The following ZMYM4 variants were observed in gnomAD, a reference collection of about 807,000 sequenced individuals.
ZMYM4 encodes the protein zinc finger MYM-type containing 4, also known as zinc finger MYM-type protein 4.
Under a neutral mutation model 183.2 loss-of-function variants are expected in ZMYM4, and 31 were observed. The ratio of observed to expected loss-of-function variants is 0.17; its 90% CI spans 0.13 to 0.23. The LOEUF (loss-of-function observed/expected upper bound fraction) is 0.23. Among genes scored for constraint, ZMYM4 ranks in the 10% least tolerant of loss-of-function variants. The pLI, the probability that ZMYM4 is intolerant of heterozygous loss-of-function variation, is 1.00. For missense variants in ZMYM4, 1,273 were observed against 1,840.3 expected (o/e 0.69, Z 5.64); for synonymous variants, 592 against 631.2 (o/e 0.94, Z 0.93).
rs145965478 is a variant in ZMYM4 at position 35,383,704 on chromosome 1, C to T, written c.1570-1738C>T. ...CAAGAGAGGGAGAAATAGGATGAAACATCTTAATTTTAAATTTATTCTTTA... is the reference window on the plus strand; with the variant it reads ...CAAGAGAGGGAGAAATAGGATGAAATATCTTAATTTTAAATTTATTCTTTA... On this transcript the variant is annotated intron_variant, in intron 9 of 29. Coordinates refer to ENST00000314607, the MANE Select transcript of ZMYM4 (RefSeq NM_005095.3). Among the ~76,000 whole-genome samples, 76 of 152,198 alleles carry T rather than the reference C, an allele frequency of 5.0e-4. 1 individual carries two copies. The East Asian group carries it at 7.7e-3, about 15-fold the overall frequency.
At chr1:35,406,651 T>A (rs1047907800) in intron 25 of ZMYM4, among the ~76,000 whole-genome samples, 1 of 152,236 alleles carries the variant, frequency 6.6e-6, no homozygotes, top group African/African-American at 2.4e-5. Flanking sequence ...CACTCTTTCA[T>A]TGAGAAATAC....
chr1:35,288,108 G>A (rs1367722059), intron 1 of ZMYM4, among the ~76,000 whole-genome samples: 1 of 152,130 alleles, frequency 6.6e-6, no homozygotes, highest in African/African-American at 2.4e-5. Flanking sequence ...TAATTGCTAA[G>A]TCTTGTTAAT....
chr1:35,354,982 A>C (rs1431954837), intron 2 of ZMYM4, among the ~76,000 whole-genome samples: 1 of 151,638 alleles, frequency 6.6e-6, no homozygotes, highest in East Asian at 1.9e-4. Flanking sequence ...GTCTTGGGCC[A>C]TAGTTTCCTA....
Position 35,386,152 on chromosome 1 carries a change from G to T in ZMYM4, c.1799G>T (p.Arg600Leu). The change falls in exon 11 of 30, where the codon CGC becomes CTC. Residue 600 changes from arginine (R) to leucine (L), a missense_variant. Physicochemically the swap from Arg to Leu is moderately radical, Grantham distance 102. Transcript: ENST00000314607. Reference sequence around the variant, plus strand: ...CTAGCCATGTCAGATGGAAGTATACGCAACTTCTGCAGCTACAGCTGTGTG... The same window carrying T: ...CTAGCCATGTCAGATGGAAGTATACTCAACTTCTGCAGCTACAGCTGTGTG... ...YHLAMSDGSI[R>L]NFCSYSCVVA... 1 of 1,613,608 alleles carries T rather than the reference G, an allele frequency of 6.2e-7. No individual in the cohort carries two copies. The highest frequency in any genetic ancestry group is 8.5e-7 in the Non-Finnish European group (1 of 1,179,762).
chr1:35,386,937 G>A, intron 11 of ZMYM4, 66 bp from the exon 12 acceptor site: 1 of 1,518,512 alleles, frequency 6.6e-7, no homozygotes, highest in Non-Finnish European at 8.9e-7. Context: ...GGCATATGTA[G>A]GCACACAATA....
chr1:35,305,774 C>G (rs905225082), intron 1 of ZMYM4, among the ~76,000 whole-genome samples: 1 of 151,744 alleles, frequency 6.6e-6, no homozygotes, highest in African/African-American at 2.4e-5. Context: ...GTCTCCAACT[C>G]CAGGCCTCAA....
intron 23 of ZMYM4, among the ~76,000 whole-genome samples, chr1:35,403,920 G>A (rs533504013): frequency 6.6e-5 from 10 of 152,280 alleles, no homozygotes; most frequent in African/African-American, 2.4e-4. Context: ...CTTTCAAGAA[G>A]TTTGTCCATT....
chr1:35,312,529 C>A (rs538639822), intron 1 of ZMYM4, among the ~76,000 whole-genome samples: 50 of 152,218 alleles, frequency 3.3e-4, no homozygotes, highest in African/African-American at 1.1e-3. Context: ...TTAAAGTCTG[C>A]GTAGAATTTC....
At chr1:35,407,961 ATGTT>A in intron 25 of ZMYM4, 43 bp from the exon 26 acceptor site, 1 of 1,610,688 alleles carries the variant, frequency 6.2e-7, no homozygotes, top group Non-Finnish European at 8.5e-7. Flanking sequence ...CAATGCTACT[ATGTT>A]TGTTAAAAGT....
At chr1:35,307,138 T>A (rs943029452) in intron 1 of ZMYM4, among the ~76,000 whole-genome samples, 4 of 152,246 alleles carry the variant, frequency 2.6e-5, no homozygotes, top group Non-Finnish European at 4.4e-5. Flanking sequence ...AAATGAGAGA[T>A]CTCTGTTAAT....
intron 2 of ZMYM4, among the ~76,000 whole-genome samples, chr1:35,349,522 C>T (rs12043750): frequency 0.12 from 18,284 of 151,800 alleles, 2,626 homozygotes; most frequent in East Asian, 0.69. Flanking sequence ...TCAGATCATC[C>T]CTTAGAAATG....
In ZMYM4 at chr1:35,268,886, G is replaced by A. The variant is rs1639439264; in HGVS notation, c.-161G>A. The A allele has an allele frequency of 1.4e-6, 1 of 722,986 alleles. No homozygotes were observed. 44.8% of individuals were successfully genotyped at this position (722,986 alleles called of 1,614,324 possible). On this transcript the variant is annotated 5_prime_UTR_variant, in exon 1 of 30. Transcript: ENST00000314607. Reference sequence around the variant, plus strand: ...GGGATCTCAGAAGCTGCGGCCCGGCGCGCGGCATCCGCCCCCTCCCCACTC... The same window carrying A: ...GGGATCTCAGAAGCTGCGGCCCGGCACGCGGCATCCGCCCCCTCCCCACTC...
At chr1:35,311,098 C>T (rs1471441567) in intron 1 of ZMYM4, among the ~76,000 whole-genome samples, 1 of 152,006 alleles carries the variant, frequency 6.6e-6, no homozygotes, top group Non-Finnish European at 1.5e-5. Context: ...TGTTATCTGT[C>T]GCTATAGTTT....
Position 35,274,619 on chromosome 1 carries a change from A to ATT in ZMYM4, c.39+5534_39+5535insTT, listed in dbSNP as rs1557885849. On this transcript the variant is annotated intron_variant, in intron 1 of 29. Transcript: ENST00000314607. ...AGAGAGACACTGTTTTTTTTTTTAA[A>ATT]AAAAAAAAAAAAAAAGGAGAGGCCA... Among the ~76,000 whole-genome samples, 81 of 143,658 alleles carry ATT rather than the reference A, an allele frequency of 5.6e-4. No homozygotes were observed. In the East Asian group the frequency reaches 0.012, roughly 21 times the overall value. 94.2% of individuals were successfully genotyped at this position (143,658 alleles called of 152,430 possible).
In ZMYM4 at chr1:35,415,581, A is replaced by G. The variant is rs996355025; in HGVS notation, c.4176A>G (p.Gln1392=). 24 of 1,614,050 alleles carry G rather than the reference A, an allele frequency of 1.5e-5. No individual in the cohort carries two copies. The highest frequency in any genetic ancestry group is 2.2e-5 in the South Asian group (2 of 91,080). ...TTTTCTTCAATACCAAATACTTCCA[A>G]CTAAAGAATGTTACTGAGCACTTGA... The part of the protein sequence containing the change: ...TLLFFNTKYF[Q]LKNVTEHLKL... Residue 1392 remains glutamine, a synonymous_variant, in exon 28 of 30, where the codon CAA becomes CAG. Coordinates refer to ENST00000314607, the MANE Select transcript of ZMYM4 (RefSeq NM_005095.3).
intron 1 of ZMYM4, among the ~76,000 whole-genome samples, chr1:35,271,693 G>A (rs1371900443): frequency 6.6e-6 from 1 of 152,186 alleles, no homozygotes; most frequent in Non-Finnish European, 1.5e-5. Flanking sequence ...GTGAGCTACC[G>A]GGCCTGGCCC....
At chr1:35,381,855 G>T (rs1256592211) in intron 9 of ZMYM4, 97 bp downstream of exon 9, 6 of 1,441,234 alleles carry the variant, frequency 4.2e-6, no homozygotes, top group Non-Finnish European at 9.4e-7. Context: ...TGCAATATTG[G>T]GTTTACTGGC....
intron 9 of ZMYM4, among the ~76,000 whole-genome samples, chr1:35,382,306 T>G (rs1018722997): frequency 6.6e-6 from 1 of 151,372 alleles, no homozygotes; most frequent in African/African-American, 2.4e-5. Flanking sequence ...AGTTTACTAT[T>G]TGTTTTAACT....
At chr1:35,311,336 C>T (rs1193947337) in intron 1 of ZMYM4, among the ~76,000 whole-genome samples, 2 of 151,264 alleles carry the variant, frequency 1.3e-5, no homozygotes, top group Non-Finnish European at 2.9e-5. Context: ...GCATGAGAAT[C>T]GCTTGAACTC....
Sources: gnomAD v4.1 joint callset for allele counts (sites outside exome capture counted in the v4.1 genomes callset) on GRCh38, gnomAD v4.1.1 for gene constraint, MANE v1.5 for transcripts, NCBI Gene and HGNC (gene_info 2026-07-23, HGNC 2026-07-21) for gene names.